The following ALG13 variants were observed in gnomAD, a reference collection of about 807,000 sequenced individuals.
The protein encoded by ALG13 is ALG13 UDP-N-acetylglucosaminyltransferase subunit.
Under a neutral mutation model 87.8 loss-of-function variants are expected in ALG13, and 11 were observed. That is an observed-to-expected ratio of 0.13 (90% CI 0.08 to 0.21). The LOEUF (loss-of-function observed/expected upper bound fraction) is 0.21, where lower values mean the gene tolerates loss of function less well. Ranked by LOEUF, ALG13 falls within the 10% of genes least tolerant of loss-of-function variation. The pLI is 1.00. For missense variants in ALG13, 756 were observed against 866.1 expected (o/e 0.87, Z 1.60); for synonymous variants, 320 against 306.3 (o/e 1.04, Z -0.47).
intron 19 of ALG13, among the ~76,000 whole-genome samples, chrX:111,728,988 A>G (rs1332235653): frequency 1.8e-5 from 2 of 111,696 alleles, no homozygotes; most frequent in African/African-American, 6.5e-5. Flanking sequence ...TTTAAAGAAT[A>G]CAATTCAATG....
chrX:111,722,526 G>A (rs1941502310), intron 12 of ALG13, among the ~76,000 whole-genome samples: 2 of 112,161 alleles, frequency 1.8e-5, no homozygotes, highest in Non-Finnish European at 3.8e-5. Flanking sequence ...ATTGTACCTC[G>A]TTAGTGTTTG....
intron 3 of ALG13, among the ~76,000 whole-genome samples, chrX:111,702,339 T>G (rs1938029642): frequency 8.9e-6 from 1 of 111,971 alleles, no homozygotes; most frequent in Non-Finnish European, 1.9e-5. Flanking sequence ...TAATTTAGTT[T>G]TATCAGTTCT....
Position 111,736,861 on chromosome X carries a change from C to G in ALG13, c.2677C>G (p.Pro893Ala). ...TATACAGCCTCTCTTTGTATCTCCA[C>G]CTACACACGGCAGGCCAGGTAGGTT... ...NAIQPLFVSP[P>A]THGRPVIASP... is the part of the protein sequence containing the mutation. The change falls in exon 23 of 27, where the codon CCT becomes GCT. Residue 893 changes from proline (P) to alanine (A), a missense_variant. Pro to Ala is a conservative substitution (Grantham distance 27). Around this residue, in one of 9 missense-constraint regions of ALG13, gnomAD observed 362 missense variants for 383.5 expected, o/e 0.94. Coordinates refer to ENST00000394780, the MANE Select transcript of ALG13 (RefSeq NM_001099922.3). The G allele has an allele frequency of 8.3e-7, 1 of 1,207,050 alleles. No individual in the cohort carries two copies. Among genetic ancestry groups the G allele is most frequent in the Non-Finnish European group, 1.1e-6 (1 of 893,426 alleles).
intron 2 of ALG13, among the ~76,000 whole-genome samples, chrX:111,683,011 T>G (rs763965696): frequency 3.6e-4 from 40 of 111,113 alleles, no homozygotes; most frequent in African/African-American, 1.2e-3. Context: ...TCCTTTCTTT[T>G]TTTTTTTTAA....
chrX:111,729,617 C>T (rs1014942699), intron 19 of ALG13, among the ~76,000 whole-genome samples: 7 of 111,373 alleles, frequency 6.3e-5, no homozygotes, highest in East Asian at 5.7e-4. Flanking sequence ...GAGTTTCATG[C>T]GTGTGTGTTT....
chrX:111,700,707 G>C (rs939303882), intron 3 of ALG13, among the ~76,000 whole-genome samples: 3 of 105,336 alleles, frequency 2.8e-5, no homozygotes, highest in African/African-American at 1.0e-4. Context: ...CTGCTGAGTA[G>C]CTGGGATTAC....
intron 15 of ALG13, among the ~76,000 whole-genome samples, chrX:111,725,357 A>C (rs1204380967): frequency 8.9e-6 from 1 of 111,778 alleles, no homozygotes; most frequent in East Asian, 2.8e-4. Context: ...GTTGAGAACC[A>C]TGGTTCTTAA....
At chrX:111,684,650 AC>A (rs765282110) in intron 2 of ALG13, among the ~76,000 whole-genome samples, 151 of 111,867 alleles carry the variant, frequency 1.3e-3, no homozygotes, top group South Asian at 6.0e-3. Flanking sequence ...ATGGGGTTAT[AC>A]CCCGTCACAA....
At chrX:111,704,058 A>T (rs770584193) in intron 3 of ALG13, among the ~76,000 whole-genome samples, 1 of 112,250 alleles carries the variant, frequency 8.9e-6, no homozygotes, top group East Asian at 2.8e-4. Context: ...GTTAGTATGC[A>T]GTAGTATCTC....
rs774992415 is a variant in ALG13 at position 111,727,668 on chromosome X, T to C, written c.2145T>C (p.Tyr715=). 2.6e-5 allele frequency: 32 copies of C among 1,209,788 alleles called. No homozygotes were observed. In the South Asian group the frequency reaches 5.7e-4, roughly 21 times the overall value. The part of the protein sequence containing the change: ...QMSCVNKESQ[Y]GFTPGNGQMP... ...GTTGTGTGAATAAGGAGTCCCAGTA[T>C]GGATTTACCCCAGGGAATGGACAGA... is the stretch of plus-strand genomic sequence containing the variant. Residue 715 remains tyrosine (Y), a synonymous_variant, in exon 18 of 27, where the codon TAT becomes TAC. Coordinates refer to ENST00000394780, the MANE Select transcript of ALG13 (RefSeq NM_001099922.3).
intron 10 of ALG13, among the ~76,000 whole-genome samples, chrX:111,719,025 CTTTTTTTTTTTTTTTTTTT>C (rs910824496): frequency 1.2e-5 from 1 of 82,443 alleles, no homozygotes; most frequent in Non-Finnish European, 2.2e-5. Context: ...AATTTTTTTT[CTTTTTTTTTTTTTTTTTTT>C]GAGACGGAGT....
At chrX:111,689,896 A>T in intron 3 of ALG13, 2 of 753,891 alleles carry the variant, frequency 2.7e-6, no homozygotes, top group Non-Finnish European at 3.1e-6. Flanking sequence ...TTTAGTAGGA[A>T]TTTCACACTT....
rs186847490 is a variant in ALG13 at position 111,711,403 on chromosome X, A to G, written c.835-272A>G. ...GAAAATTGTCATTACTTAAATTGGC[A>G]TTTCAAATGAAACTCGAAAGCATAC... On this transcript the variant is annotated intron_variant, in intron 5 of 26. Coordinates refer to ENST00000394780, the MANE Select transcript of ALG13 (RefSeq NM_001099922.3). Among the ~76,000 whole-genome samples the G allele has an allele frequency of 2.4e-4, 27 of 112,485 alleles. No homozygotes were observed. The East Asian group carries it at 7.3e-3, about 30-fold the overall frequency.
chrX:111,726,641 A>G (rs1341413883), intron 15 of ALG13, among the ~76,000 whole-genome samples, 168 bp from the exon 16 acceptor site: 1 of 111,255 alleles, frequency 9.0e-6, no homozygotes, highest in East Asian at 2.8e-4. Flanking sequence ...CCTTCCAAAT[A>G]AAAGATCTAG....
intron 24 of ALG13, among the ~76,000 whole-genome samples, chrX:111,749,099 A>C (rs766724145): frequency 9.0e-6 from 1 of 111,487 alleles, no homozygotes; most frequent in South Asian, 3.8e-4. Context: ...TAAAAAAACA[A>C]AAAAAACAAC....
chrX:111,711,738 A>G lies in ALG13; in HGVS notation c.885+13A>G. On this transcript the variant is annotated intron_variant, in intron 6 of 26. Transcript: ENST00000394780. ...GGGAGATCCCAAGGTAAGATCAAAT[A>G]TGGGGGTTTAATCTTTTCAGAGTTA... 1 of 1,195,513 alleles carries G rather than the reference A, an allele frequency of 8.4e-7. No individual in the cohort carries two copies. Among genetic ancestry groups the G allele is most frequent in the Non-Finnish European group, 1.1e-6 (1 of 883,009 alleles).
At chrX:111,685,969 T>G (rs1345805417) in intron 3 of ALG13, among the ~76,000 whole-genome samples, 3 of 112,014 alleles carry the variant, frequency 2.7e-5, no homozygotes, top group Non-Finnish European at 5.6e-5. Flanking sequence ...TGGGGGTAGC[T>G]TATGTAAGAG....
chrX:111,719,648 T>C (rs1941159216), intron 10 of ALG13, among the ~76,000 whole-genome samples: 1 of 112,001 alleles, frequency 8.9e-6, no homozygotes, highest in Non-Finnish European at 1.9e-5. Flanking sequence ...GAGCTTTGAC[T>C]GGAGAAAAGT....
chrX:111,708,500 A>G (rs1939167918), intron 4 of ALG13, 107 bp downstream of exon 4: 1 of 973,584 alleles, frequency 1.0e-6, no homozygotes, highest in East Asian at 3.1e-5. Flanking sequence ...CTTTCTAGTG[A>G]AAACATCGGG....
Sources: gnomAD v4.1 joint callset for allele counts (sites outside exome capture counted in the v4.1 genomes callset) on GRCh38, gnomAD v4.1.1 for gene constraint, gnomAD v4.1.1 regional missense constraint, MANE v1.5 for transcripts, NCBI Gene and HGNC (gene_info 2026-07-23, HGNC 2026-07-21) for gene names.